Variants in ROBO2 observed in about 807,000 individuals in gnomAD.
ROBO2 encodes the protein roundabout homolog 2.
ROBO2 carries 53 observed loss-of-function variants against 160.8 expected under a neutral mutation model. The ratio of observed to expected loss-of-function variants is 0.33; its 90% CI spans 0.26 to 0.41. The LOEUF is 0.41. Ranked by LOEUF, ROBO2 falls within the 10% of genes least tolerant of loss-of-function variation. The pLI is 1.00. For synonymous variants in ROBO2, 664 were observed against 611.7 expected, an observed-to-expected ratio of 1.09 and a Z score of -1.26; for missense variants, 1,577 against 1,722.4, an observed-to-expected ratio of 0.92 and a Z score of 1.49.
intron 16 of ROBO2, among the ~76,000 whole-genome samples, chr3:77,583,889 T>C (rs2093978447): frequency 6.6e-6 from 1 of 152,148 alleles, no homozygotes; most frequent in Admixed American, 6.5e-5. Flanking sequence ...TTCTTATGTT[T>C]GCCCTTATTC....
chr3:76,319,738 T>C (rs1312345261), intron 2 of ROBO2, among the ~76,000 whole-genome samples: 1 of 152,126 alleles, frequency 6.6e-6, no homozygotes, highest in East Asian at 1.9e-4. Context: ...TATATTTTTT[T>C]CCCATTTGTG....
intron 2 of ROBO2, among the ~76,000 whole-genome samples, chr3:76,657,529 C>G (rs1395547126): frequency 6.7e-6 from 1 of 150,264 alleles, no homozygotes; most frequent in Non-Finnish European, 1.5e-5. Flanking sequence ...GATAATCCCT[C>G]GAGCCCAGGA....
chr3:77,563,244 G>A (rs1328724795), exon 11 of ROBO2: 1 of 1,613,492 alleles, frequency 6.2e-7, no homozygotes, highest in African/African-American at 1.3e-5. Flanking sequence ...GGTCACTGAT[G>A]TTACTAAGAA....
At chr3:77,454,306 T>C (rs139809179) in intron 2 of ROBO2, among the ~76,000 whole-genome samples, 2 of 152,272 alleles carry the variant, frequency 1.3e-5, no homozygotes, top group African/African-American at 2.4e-5. Context: ...CATTTTCTGG[T>C]GTCCTGCCTT....
intron 2 of ROBO2, among the ~76,000 whole-genome samples, chr3:77,188,574 G>T (rs931138785): frequency 6.6e-6 from 1 of 151,746 alleles, no homozygotes; most frequent in African/African-American, 2.4e-5. Context: ...ATTCGTTTAA[G>T]GCAGAAAAAG....
At chr3:76,893,062 G>C (rs904307389) in intron 2 of ROBO2, among the ~76,000 whole-genome samples, 1 of 152,030 alleles carries the variant, frequency 6.6e-6, no homozygotes, top group Non-Finnish European at 1.5e-5. Flanking sequence ...TGGAACCCTG[G>C]ATTCCATCCC....
intron 2 of ROBO2, among the ~76,000 whole-genome samples, chr3:77,118,142 G>A (rs6772180): frequency 0.17 from 26,508 of 152,126 alleles, 3,838 homozygotes; most frequent in African/African-American, 0.4. Flanking sequence ...ATTTGTCTTA[G>A]AATTAAGTGA....
At chr3:76,770,295 CCTCT>C (rs1307264151) in intron 2 of ROBO2, among the ~76,000 whole-genome samples, 1 of 151,256 alleles carries the variant, frequency 6.6e-6, no homozygotes, top group African/African-American at 2.4e-5. Context: ...CATAGTCTCT[CCTCT>C]CTCCTTTTTT....
chr3:77,318,026 T>C (rs1183376641), intron 2 of ROBO2, among the ~76,000 whole-genome samples: 1 of 151,760 alleles, frequency 6.6e-6, no homozygotes, highest in Non-Finnish European at 1.5e-5. Context: ...ATTTATTTAT[T>C]TTATTTTATT....
At chr3:76,695,880 A>AC (rs2092916643) in intron 2 of ROBO2, among the ~76,000 whole-genome samples, 1 of 152,186 alleles carries the variant, frequency 6.6e-6, no homozygotes, top group Admixed American at 6.5e-5. Context: ...TGTCAATAAG[A>AC]TATGGATATC....
chr3:77,009,913 T>A (rs2061777299), intron 2 of ROBO2, among the ~76,000 whole-genome samples: 1 of 126,782 alleles, frequency 7.9e-6, no homozygotes, highest in African/African-American at 3.0e-5. Context: ...GCCACTGCAC[T>A]CCAGCCTGAG....
chr3:76,809,877 T>G (rs1415238712), intron 2 of ROBO2, among the ~76,000 whole-genome samples: 8 of 151,738 alleles, frequency 5.3e-5, no homozygotes, highest in Non-Finnish European at 7.4e-5. Context: ...AATACAAAAT[T>G]GACACTAGAG....
intron 2 of ROBO2, among the ~76,000 whole-genome samples, chr3:76,459,029 C>T (rs2077939735): frequency 6.6e-6 from 1 of 152,076 alleles, no homozygotes; most frequent in South Asian, 2.1e-4. Flanking sequence ...ATACAATGTA[C>T]CCTGTGTTAG....
At chr3:76,839,175 A>C (rs2067995725) in intron 2 of ROBO2, among the ~76,000 whole-genome samples, 1 of 152,170 alleles carries the variant, frequency 6.6e-6, no homozygotes. Context: ...AAAACTTCAA[A>C]GCAAGAATTC....
intron 2 of ROBO2, among the ~76,000 whole-genome samples, chr3:76,580,310 A>T: frequency 1.8e-5 from 2 of 108,812 alleles, no homozygotes; most frequent in Non-Finnish European, 1.9e-5. Flanking sequence ...CTGCTAACCC[A>T]ACCCCTGTTT....
intron 2 of ROBO2, among the ~76,000 whole-genome samples, chr3:75,994,885 G>T (rs182843309): frequency 1.6e-4 from 24 of 152,308 alleles, no homozygotes; most frequent in African/African-American, 5.8e-4. Context: ...CTAGGCTGAG[G>T]TGCTATCAGA....
At chr3:77,170,330 A>G (rs909168191) in intron 2 of ROBO2, among the ~76,000 whole-genome samples, 6 of 152,172 alleles carry the variant, frequency 3.9e-5, no homozygotes, top group African/African-American at 1.4e-4. Context: ...TTTTAAAAGA[A>G]CATACATATG....
At chr3:76,280,388 G>C (rs1438373686) in intron 2 of ROBO2, among the ~76,000 whole-genome samples, 1 of 151,944 alleles carries the variant, frequency 6.6e-6, no homozygotes, top group East Asian at 1.9e-4. Flanking sequence ...TCTCAGAAGA[G>C]GAAAAACATG....
At chr3:76,016,083 G>C (rs1019504878) in intron 2 of ROBO2, among the ~76,000 whole-genome samples, 1 of 151,952 alleles carries the variant, frequency 6.6e-6, no homozygotes. Flanking sequence ...GCCAATATGG[G>C]GTACCTAGAA....
Sources: gnomAD v4.1 joint callset for allele counts (sites outside exome capture counted in the v4.1 genomes callset) on GRCh38, gnomAD v4.1.1 for gene constraint, MANE v1.5 for transcripts, NCBI Gene and HGNC (gene_info 2026-07-23, HGNC 2026-07-21) for gene names.